TENM3: variants seen among roughly 807,000 people sequenced by gnomAD.
TENM3 encodes the protein teneurin-3.
In TENM3, 63 loss-of-function variants were observed where a neutral mutation model predicts 255.1. The ratio of observed to expected loss-of-function variants is 0.25; its 90% CI spans 0.20 to 0.30. The LOEUF is 0.30. Among genes scored for constraint, TENM3 ranks in the 10% least tolerant of loss-of-function variants. The probability of loss-of-function intolerance (pLI) is 1.00; values close to 1 mark genes in which losing one functional copy is unlikely to be tolerated. For missense variants in TENM3, 2,929 were observed against 3,461.1 expected (o/e 0.85, Z 3.86); for synonymous variants, 1,306 against 1,322.3 (o/e 0.99, Z 0.27).
In TENM3 at chr4:182,679,747, C is replaced by T. The variant is rs1301597448; in HGVS notation, c.1408C>T (p.Arg470Trp). The change falls in exon 8 of 28, where the codon CGG (arginine) becomes TGG (tryptophan). Residue 470 changes from arginine (R) to tryptophan (W), a missense_variant. This residue lies in a region of TENM3 where 1,608 missense variants were observed against 1,884.4 expected (regional missense o/e 0.85). Coordinates refer to ENST00000511685, the MANE Select transcript of TENM3 (RefSeq NM_001080477.4). The part of the protein sequence containing the change: ...RSLLETERAG[R>W]QARSVSLHEA... ...CCTGCTTGAGACGGAGAGAGCCGGG[C>T]GGCAGGCGAGATCCGTCAGCCTTCA... 9 of 1,613,834 alleles carry T rather than the reference C, an allele frequency of 5.6e-6. No homozygotes were observed. The highest frequency in any genetic ancestry group is 2.7e-5 in the African/African-American group (2 of 75,032).
chr4:181,484,471 C>T, the TENM3 span, among the ~76,000 whole-genome samples: 3 of 152,046 alleles, frequency 2.0e-5, no homozygotes, highest in Non-Finnish European at 4.4e-5. Context: ...TTTTATTGAA[C>T]TGTAATTCTA....
rs371043253 is a variant in TENM3, at chr4:182,714,099, G to C, written c.2234G>C (p.Gly745Ala). 3.7e-6 allele frequency: 6 copies of C among 1,613,568 alleles called. No homozygotes were observed. The African/African-American group carries it at 8.0e-5, about 22-fold the overall frequency. Residue 745 changes from glycine (G) to alanine (A), a missense_variant, in exon 13 of 28, where the codon GGT (glycine) becomes GCT (alanine). This residue lies in a region of TENM3 where 1,608 missense variants were observed against 1,884.4 expected (regional missense o/e 0.85). Coordinates refer to ENST00000511685, the MANE Select transcript of TENM3 (RefSeq NM_001080477.4). ...TTTGTCTCGACAGAGGGTTGTCCTG[G>C]TCTGTGCAACAGCAATGGAAGATGT... ...GEHCTIEGCP[G>A]LCNSNGRCTL... is the part of the protein sequence containing the mutation.
At chr4:181,949,507 G>C in the TENM3 span, among the ~76,000 whole-genome samples, 3 of 152,068 alleles carry the variant, frequency 2.0e-5, no homozygotes, top group Non-Finnish European at 4.4e-5. Context: ...AAATCAATTT[G>C]AAATCAGACC....
At chr4:181,581,315 C>T in the TENM3 span, among the ~76,000 whole-genome samples, 1 of 152,058 alleles carries the variant, frequency 6.6e-6, no homozygotes, top group Non-Finnish European at 1.5e-5. Context: ...GTGGTGCACG[C>T]CTGTAATCCC....
intron 22 of TENM3, among the ~76,000 whole-genome samples, chr4:182,771,329 A>G (rs1382733452): frequency 2.6e-5 from 4 of 152,208 alleles, no homozygotes; most frequent in Non-Finnish European, 4.4e-5. Flanking sequence ...GGTACAATCT[A>G]TATAAAGCTA....
the TENM3 span, among the ~76,000 whole-genome samples, chr4:182,014,094 GTATATACGTATATACACA>G: frequency 1.1e-5 from 1 of 94,670 alleles, no homozygotes; most frequent in African/African-American, 3.8e-5. Context: ...ATATATACGT[GTATATACGTATATACACA>G]TATATACGTA....
At chr4:182,290,070 G>A (rs1286860425) in intron 1 of TENM3, among the ~76,000 whole-genome samples, 4 of 152,122 alleles carry the variant, frequency 2.6e-5, no homozygotes, top group Admixed American at 2.0e-4. Flanking sequence ...CTTCCTCACC[G>A]GGGCTAATCA....
chr4:181,669,849 AG>A, the TENM3 span, among the ~76,000 whole-genome samples: 1 of 152,174 alleles, frequency 6.6e-6, no homozygotes, highest in Non-Finnish European at 1.5e-5. Context: ...TGGGACCTCT[AG>A]GGAGAACTTC....
chr4:182,238,835 CTT>C (rs1411580868), upstream of TENM3, among the ~76,000 whole-genome samples: 1 of 152,054 alleles, frequency 6.6e-6, no homozygotes, highest in Non-Finnish European at 1.5e-5. Context: ...TTCTCCCTCT[CTT>C]TTTTAATTCA....
the TENM3 span, among the ~76,000 whole-genome samples, chr4:181,901,991 A>G: frequency 1.3e-5 from 2 of 152,140 alleles, no homozygotes; most frequent in Non-Finnish European, 1.5e-5. Flanking sequence ...GAAGCACATT[A>G]CAGGACTGGA....
the TENM3 span, among the ~76,000 whole-genome samples, chr4:181,683,985 T>TAATA: frequency 6.6e-6 from 1 of 152,172 alleles, no homozygotes; most frequent in Non-Finnish European, 1.5e-5. Flanking sequence ...GAAATTAACC[T>TAATA]AATACCCACC....
At chr4:181,884,420 A>T in the TENM3 span, among the ~76,000 whole-genome samples, 5 of 152,102 alleles carry the variant, frequency 3.3e-5, no homozygotes, top group African/African-American at 1.2e-4. Flanking sequence ...CATTTTCATC[A>T]TCCCAGATGG....
the TENM3 span, chr4:182,079,916 A>T: frequency 6.6e-6 from 1 of 152,368 alleles, no homozygotes; most frequent in East Asian, 1.9e-4. Context: ...GAGTGGCCAA[A>T]GCTCTCGACT....
the TENM3 span, among the ~76,000 whole-genome samples, chr4:181,769,836 C>T: frequency 6.6e-6 from 1 of 151,978 alleles, no homozygotes; most frequent in Non-Finnish European, 1.5e-5. Context: ...TTTACTACAC[C>T]CCTTTTGTGG....
At chr4:182,489,720 A>G (rs1020142386) in intron 3 of TENM3, among the ~76,000 whole-genome samples, 1 of 151,932 alleles carries the variant, frequency 6.6e-6, no homozygotes, top group African/African-American at 2.4e-5. Flanking sequence ...TAAGCAAAAC[A>G]TTGCCTATTT....
chr4:182,576,948 G>A (rs990344321), intron 3 of TENM3, among the ~76,000 whole-genome samples: 6 of 152,160 alleles, frequency 3.9e-5, no homozygotes, highest in African/African-American at 1.4e-4. Flanking sequence ...TATTCCACCT[G>A]TCTTCCAGGC....
chr4:181,525,603 G>A, the TENM3 span, among the ~76,000 whole-genome samples: 1 of 152,126 alleles, frequency 6.6e-6, no homozygotes, highest in East Asian at 1.9e-4. Context: ...CTGATGGTTT[G>A]CTCCTCTGTA....
chr4:181,498,682 C>G, the TENM3 span, among the ~76,000 whole-genome samples: 1 of 152,078 alleles, frequency 6.6e-6, no homozygotes, highest in Non-Finnish European at 1.5e-5. Context: ...AGATATGGCT[C>G]ACTGTAAGGA....
In TENM3 at chr4:182,503,246, T is replaced by A. The variant is rs562512887; in HGVS notation, c.512-97678T>A. On this transcript the variant is annotated intron_variant, in intron 3 of 27. Coordinates refer to ENST00000511685, the MANE Select transcript of TENM3 (RefSeq NM_001080477.4). ...GGAATTCTTTACATTTAGATGGGCA[T>A]GGTTTTATATTTAGACTTTCAACCT... 7.1e-4 allele frequency among the ~76,000 whole-genome samples: 108 copies of A among 152,200 alleles called. 1 individual carries two copies. Among genetic ancestry groups the A allele is most frequent in the African/African-American group, 2.5e-3 (103 of 41,532 alleles).
Sources: allele counts gnomAD v4.1 joint callset (sites outside exome capture counted in the v4.1 genomes callset), GRCh38; gene constraint gnomAD v4.1.1; regional missense constraint gnomAD v4.1.1; transcripts MANE v1.5; gene names NCBI Gene and HGNC (gene_info 2026-07-23, HGNC 2026-07-21).